The following ARHGAP30 variants were observed in gnomAD, a reference collection of about 807,000 sequenced individuals.
The protein encoded by ARHGAP30 is rho GTPase-activating protein 30.
In ARHGAP30, 23 loss-of-function variants were observed where a neutral mutation model predicts 72.0. That is an observed-to-expected ratio of 0.32 (90% CI 0.23 to 0.45). The LOEUF (loss-of-function observed/expected upper bound fraction) is 0.45, where lower values mean the gene tolerates loss of function less well. Ranked by LOEUF, ARHGAP30 falls within the 20% of genes least tolerant of loss-of-function variation. ARHGAP30 has a pLI of 1.00. For missense variants in ARHGAP30, 1,319 were observed against 1,383.4 expected (o/e 0.95, Z 0.74); for synonymous variants, 576 against 528.2 (o/e 1.09, Z -1.24).
rs761754351 is a variant in ARHGAP30 at position 161,049,607 on chromosome 1, C to T, written c.1503G>A (p.Ser501=). Residue 501 remains serine, a synonymous_variant, in exon 11 of 12, where the codon TCG becomes TCA. Transcript: ENST00000368013. ...AGGAGTCCTGCACCTCCTGGGACAG[C>T]GAGTCCTCCAGGGCAGGAGCCAAGT... ...PDDLAPALED[S]LSQEVQDSFS... 15 of 1,613,974 alleles carry T rather than the reference C, an allele frequency of 9.3e-6. No individual in the cohort carries two copies. In the South Asian group the frequency reaches 9.9e-5, roughly 11 times the overall value.
intron 9 of ARHGAP30, among the ~76,000 whole-genome samples, 163 bp from the exon 10 acceptor site, chr1:161,051,878 T>G (rs561779692): frequency 3.3e-5 from 5 of 152,248 alleles, no homozygotes; most frequent in Admixed American, 3.3e-4. Context: ...CTGCAAACTT[T>G]TCACCCAGCC....
intron 10 of ARHGAP30, among the ~76,000 whole-genome samples, chr1:161,050,770 A>G (rs1446487387): frequency 1.3e-5 from 2 of 151,490 alleles, no homozygotes; most frequent in African/African-American, 4.9e-5. Context: ...CCTCCCAAGG[A>G]GCTGGGACCG....
rs1227262915 is a variant in ARHGAP30, at chr1:161,047,817, C to T, written c.3204G>A (p.Leu1068=). Residue 1068 remains leucine, a synonymous_variant, in exon 12 of 12, where the codon CTG becomes CTA. Coordinates refer to ENST00000368013, the MANE Select transcript of ARHGAP30 (RefSeq NM_001025598.2). ...CAGGAACCTGGGGTTCTCTGGGGGG[C>T]AGACTAAGACGACTCCGGGATCCAG... ...EGSGSRSRLS[L]PPREPQVPDP... 2.5e-6 allele frequency: 4 copies of T among 1,608,330 alleles called. No individual in the cohort carries two copies. Among genetic ancestry groups the T allele is most frequent in the Non-Finnish European group, 3.4e-6 (4 of 1,177,764 alleles).
At chr1:161,060,010 A>C in intron 1 of ARHGAP30, 5 of 345,530 alleles carry the variant, frequency 1.4e-5, no homozygotes, top group South Asian at 1.2e-4. Context: ...GGCTGGGTGC[A>C]GTGGCTCACC....
At chr1:161,056,699 C>T (rs1651902068) in intron 2 of ARHGAP30, among the ~76,000 whole-genome samples, 167 bp from the exon 3 acceptor site, 1 of 152,050 alleles carries the variant, frequency 6.6e-6, no homozygotes, top group African/African-American at 2.4e-5. Flanking sequence ...TAAGATATTG[C>T]ATATGTTGAC....
intron 1 of ARHGAP30, among the ~76,000 whole-genome samples, chr1:161,066,578 G>A (rs1652788749): frequency 6.9e-6 from 1 of 145,896 alleles, no homozygotes; most frequent in Admixed American, 7.1e-5. Flanking sequence ...CCTGGAGGTC[G>A]AGGTTGCAGT....
intron 6 of ARHGAP30, 111 bp downstream of exon 6, chr1:161,053,147 C>T: frequency 2.0e-6 from 3 of 1,486,820 alleles, no homozygotes; most frequent in Non-Finnish European, 2.7e-6. Context: ...CATGTGGCCA[C>T]TACCAACATC....
intron 1 of ARHGAP30, among the ~76,000 whole-genome samples, chr1:161,067,219 G>A (rs1047419192): frequency 3.9e-5 from 6 of 152,108 alleles, no homozygotes; most frequent in Non-Finnish European, 2.9e-5. Flanking sequence ...TGGAGACATC[G>A]AGGAAATAAG....
At chr1:161,052,017 AC>A (rs1557920869) in intron 9 of ARHGAP30, among the ~76,000 whole-genome samples, 1,091 of 63,500 alleles carry the variant, frequency 0.017, 152 homozygotes, top group African/African-American at 0.025. Context: ...CACCACCACC[AC>A]CACCACCACC....
rs200137238 is a variant in ARHGAP30, at chr1:161,055,788, T to TA, written c.345+599_345+600insT. On this transcript the variant is annotated intron_variant, in intron 3 of 11. Coordinates refer to ENST00000368013, the MANE Select transcript of ARHGAP30 (RefSeq NM_001025598.2). The stretch of plus-strand genomic sequence containing the variant: ...AACAGAGTGAGACTCCATCTTAAAA[T>TA]TAAAATAAAATAAAATAATAAAATA... Among the ~76,000 whole-genome samples, 95 of 115,320 alleles carry TA rather than the reference T, an allele frequency of 8.2e-4. 5 individuals carry two copies. The highest frequency in any genetic ancestry group is 1.2e-3 in the Admixed American group (14 of 11,714). 75.7% of individuals were successfully genotyped at this position (115,320 alleles called of 152,430 possible).
intron 1 of ARHGAP30, among the ~76,000 whole-genome samples, chr1:161,066,144 C>T (rs1057221262): frequency 6.6e-6 from 1 of 150,800 alleles, no homozygotes; most frequent in East Asian, 2.0e-4. Flanking sequence ...GGATTACAGG[C>T]GTGAGCCACC....
chr1:161,068,571 G>A (rs1324829250), intron 1 of ARHGAP30, among the ~76,000 whole-genome samples: 1 of 152,174 alleles, frequency 6.6e-6, no homozygotes, highest in Non-Finnish European at 1.5e-5. Context: ...GGGGTGGAAT[G>A]GGGTGGAGTG....
chr1:161,056,418 C>A lies in ARHGAP30; in HGVS notation c.315G>T (p.Leu105=). Residue 105 remains leucine (L), a synonymous_variant, in exon 3 of 12, where the codon CTG becomes CTT. Coordinates refer to ENST00000368013, the MANE Select transcript of ARHGAP30 (RefSeq NM_001025598.2). ...KAYFRELPDP[L]LTYRLYDKFA... ...ACTTGTCATAGAGCCGGTAAGTGAG[C>A]AGGGGATCCGGCAGTTCTCTGAAAT... 2 of 1,613,950 alleles carry A rather than the reference C, an allele frequency of 1.2e-6. No individual in the cohort carries two copies. Among genetic ancestry groups the A allele is most frequent in the Non-Finnish European group, 8.5e-7 (1 of 1,179,926 alleles).
rs778382590 is a variant in ARHGAP30, at chr1:161,048,814, T to G, written c.2207A>C (p.Glu736Ala). The change falls in exon 12 of 12, where the codon GAA (glutamate) becomes GCA (alanine). Residue 736 changes from glutamate (E) to alanine (A), a missense_variant. By Grantham distance (107) the Glu-to-Ala change is moderately radical. Transcript: ENST00000368013. Reference sequence around the variant, plus strand: ...ATCTGTATACTCATCTCCTCCTGGTTCCTCCACACCTTTAGCCTCCATACT... The same window carrying G: ...ATCTGTATACTCATCTCCTCCTGGTGCCTCCACACCTTTAGCCTCCATACT... ...ADSMEAKGVE[E>A]PGGDEYTDEK... 21 of 1,614,060 alleles carry G rather than the reference T, an allele frequency of 1.3e-5. No individual in the cohort carries two copies. In the Admixed American group the frequency reaches 3.3e-4, roughly 26 times the overall value.
intron 3 of ARHGAP30, among the ~76,000 whole-genome samples, chr1:161,056,175 G>T (rs2102049400): frequency 6.6e-6 from 1 of 152,296 alleles, no homozygotes; most frequent in African/African-American, 2.4e-5. Context: ...GGACATAGCA[G>T]AGAGAGAGTG....
At chr1:161,065,911 A>G in intron 1 of ARHGAP30, among the ~76,000 whole-genome samples, 1 of 127,660 alleles carries the variant, frequency 7.8e-6, no homozygotes, top group African/African-American at 3.5e-5. Context: ...TTATTTATTT[A>G]TTTGAGACAG....
Position 161,064,779 on chromosome 1 carries a change from A to AAAAGAAAGAAAGAAAG in ARHGAP30, c.97+4733_97+4748dup, listed in dbSNP as rs201614477. 3.5e-3 allele frequency among the ~76,000 whole-genome samples: 348 copies of AAAAGAAAGAAAGAAAG among 98,134 alleles called. 3 individuals carry two copies. The highest frequency in any genetic ancestry group is 0.014 in the East Asian group (55 of 3,824). 64.4% of individuals were successfully genotyped at this position (98,134 alleles called of 152,430 possible). ...AGAAAGAGAAAGAAAGAAAGAAAGA[A>AAAAGAAAGAAAGAAAG]AAAGAAAGAAAGAAAGAAAGAAAGA... is the stretch of plus-strand genomic sequence containing the variant. On this transcript the variant is annotated intron_variant, in intron 1 of 11. Coordinates refer to ENST00000368013, the MANE Select transcript of ARHGAP30 (RefSeq NM_001025598.2).
intron 4 of ARHGAP30, 30 bp downstream of exon 4, chr1:161,054,593 G>C: frequency 1.2e-6 from 2 of 1,611,832 alleles, no homozygotes; most frequent in Non-Finnish European, 1.7e-6. Context: ...GTTGTCTCAG[G>C]TTGCTGGGCA....
chr1:161,055,880 T>TAA (rs57715838), intron 3 of ARHGAP30, among the ~76,000 whole-genome samples: 1 of 43,390 alleles, frequency 2.3e-5, no homozygotes, highest in Non-Finnish European at 6.1e-5. Flanking sequence ...TAAAATAAAA[T>TAA]AAAAATAAAT....
Sources: allele counts gnomAD v4.1 joint callset (sites outside exome capture counted in the v4.1 genomes callset), GRCh38; gene constraint gnomAD v4.1.1; transcripts MANE v1.5; gene names NCBI Gene and HGNC (gene_info 2026-07-23, HGNC 2026-07-21).